HIBCH: variants seen among roughly 807,000 people sequenced by gnomAD.
HIBCH encodes the protein 3-hydroxyisobutyryl-CoA hydrolase, mitochondrial.
HIBCH carries 50 observed loss-of-function variants against 58.2 expected under a neutral mutation model. The ratio of observed to expected loss-of-function variants is 0.86; its 90% CI spans 0.68 to 1.09. The LOEUF (loss-of-function observed/expected upper bound fraction) is 1.09, where lower values mean the gene tolerates loss of function less well. Ranked by LOEUF, HIBCH falls within the 50% of genes least tolerant of loss-of-function variation. The probability of loss-of-function intolerance (pLI) is 0.00; values close to 1 mark genes in which losing one functional copy is unlikely to be tolerated. For missense variants in HIBCH, 450 were observed against 449.7 expected, an observed-to-expected ratio of 1.00 and a Z score of -0.01; for synonymous variants, 151 against 146.9, an observed-to-expected ratio of 1.03 and a Z score of -0.20.
Position 190,306,811 on chromosome 2 carries a change from T to C in HIBCH, c.78+3943A>G, listed in dbSNP as rs1001145581. Among the ~76,000 whole-genome samples the C allele has an allele frequency of 2.0e-5, 3 of 152,182 alleles. No homozygotes were observed. The highest frequency in any genetic ancestry group is 7.2e-5 in the African/African-American group (3 of 41,442). On this transcript the variant is annotated intron_variant, in intron 2 of 13. Coordinates refer to ENST00000359678, the MANE Select transcript of HIBCH (RefSeq NM_014362.4). The surrounding 1 kb of genome is among the most constrained non-coding windows in gnomAD (Gnocchi z 4.6). Reference sequence around the variant, plus strand: ...TAAGAGTGGGACCTTTGAGAGGTAATTAGGTCATGTCAGCCCTCATGAATG... The same window carrying C: ...TAAGAGTGGGACCTTTGAGAGGTAACTAGGTCATGTCAGCCCTCATGAATG...
intron 2 of HIBCH, among the ~76,000 whole-genome samples, chr2:190,298,557 G>T (rs944979485): frequency 6.6e-6 from 1 of 151,774 alleles, no homozygotes; most frequent in African/African-American, 2.4e-5. Flanking sequence ...CTTTTGAGAA[G>T]TCTGTTCATA....
chr2:190,196,043 C>T (rs1689959406), intron 1 of HIBCH, among the ~76,000 whole-genome samples: 1 of 133,836 alleles, frequency 7.5e-6, no homozygotes, highest in African/African-American at 2.8e-5. Flanking sequence ...CTAGTCTGAT[C>T]ATCTCTGCCT....
At chr2:190,311,156 TACTA>T (rs1688545814) in intron 1 of HIBCH, 3 of 411,568 alleles carry the variant, frequency 7.3e-6, no homozygotes, top group African/African-American at 2.1e-5. Context: ...AATGCATACA[TACTA>T]CTAAGCAAAA....
chr2:190,262,169 AAAAAAAAAG>A (rs1310257808), intron 6 of HIBCH, among the ~76,000 whole-genome samples: 1 of 151,732 alleles, frequency 6.6e-6, no homozygotes, highest in African/African-American at 2.4e-5. Flanking sequence ...GAGACAAAAA[AAAAAAAAAG>A]AAAAGAAAAG....
chr2:190,281,596 A>C lies in HIBCH; in HGVS notation c.438+5990T>G, dbSNP rs1051954311. Reference sequence around the variant, plus strand: ...CCTTCCATTAAGTATTACTCTCTTTAGCAAAAATTGCTGCGCCACACCTTG... The same window carrying C: ...CCTTCCATTAAGTATTACTCTCTTTCGCAAAAATTGCTGCGCCACACCTTG... On this transcript the variant is annotated intron_variant, in intron 6 of 13. Transcript: ENST00000359678. This position sits in a 1 kb window ranked among gnomAD's most constrained non-coding sequence, Gnocchi z 5.4. Among the ~76,000 whole-genome samples, 1 of 152,184 alleles carries C rather than the reference A, an allele frequency of 6.6e-6. No homozygotes were observed. Among genetic ancestry groups the C allele is most frequent in the African/African-American group, 2.4e-5 (1 of 41,448 alleles).
At chr2:190,260,758 A>G (rs1402570296) in intron 7 of HIBCH, among the ~76,000 whole-genome samples, 1 of 152,202 alleles carries the variant, frequency 6.6e-6, no homozygotes, top group Admixed American at 6.5e-5. Flanking sequence ...GTATTTCCAT[A>G]TACAAAATAA....
rs530188364 is a variant in HIBCH, at chr2:190,260,380, A to G, written c.517+776T>C. On this transcript the variant is annotated intron_variant, in intron 7 of 13. Transcript: ENST00000359678. ...CTGAAAACTAAAAATCCATGCTGAG[A>G]GAAATTAAAGACCACTTACATAAAT... The G allele has an allele frequency of 2.6e-5, 4 of 152,312 alleles. No individual in the cohort carries two copies. The South Asian group carries it at 8.3e-4, about 32-fold the overall frequency. 9.4% of individuals were successfully genotyped at this position (152,312 alleles called of 1,614,324 possible). A position where few individuals can be genotyped will look rare whatever the true frequency, so the allele number is the denominator to read the frequency against.
chr2:190,253,333 G>A (rs1686832624), intron 7 of HIBCH, among the ~76,000 whole-genome samples: 1 of 152,086 alleles, frequency 6.6e-6, no homozygotes, highest in Non-Finnish European at 1.5e-5. Context: ...CTTTAATTAT[G>A]TTGGGATAAA....
Position 190,274,917 on chromosome 2 carries a change from T to C in HIBCH, c.438+12669A>G, listed in dbSNP as rs78818871. Among the ~76,000 whole-genome samples the C allele has an allele frequency of 6.7e-3, 1,027 of 152,334 alleles. 13 individuals carry two copies. Among genetic ancestry groups the C allele is most frequent in the African/African-American group, 0.022 (933 of 41,584 alleles). ...TACAAATAGAGATTTCCTTTCTAGG[T>C]ACACATTTCTCTTACAAAAAGGTAA... On this transcript the variant is annotated intron_variant, in intron 6 of 13. Transcript: ENST00000359678.
At chr2:190,263,305 C>A (rs1302078482) in intron 6 of HIBCH, among the ~76,000 whole-genome samples, 1 of 152,168 alleles carries the variant, frequency 6.6e-6, no homozygotes, top group African/African-American at 2.4e-5. Flanking sequence ...CATTTTTCAC[C>A]AAGCTGAACA....
rs116784866 is a variant in HIBCH, at chr2:190,219,834, T to C, written c.892-6759A>G. On this transcript the variant is annotated intron_variant, in intron 11 of 13. Transcript: ENST00000359678. ...TCATTAAAAGTCTCGCTTTCGCTATTGTCCAGGTCTGAGTCCATTCTGTGG... is the reference window on the plus strand; with the variant it reads ...TCATTAAAAGTCTCGCTTTCGCTATCGTCCAGGTCTGAGTCCATTCTGTGG... Among the ~76,000 whole-genome samples the C allele has an allele frequency of 6.8e-3, 1,035 of 152,342 alleles. 13 individuals are homozygous for C. The highest frequency in any genetic ancestry group is 0.023 in the African/African-American group (941 of 41,584).
Position 190,236,513 on chromosome 2 carries a change from C to T in HIBCH, c.891+8374G>A, listed in dbSNP as rs1365087540. ...AGAAGTGTTCCGACTGACAATAAACCAATACAAATACAAAATATTTAAAAC... is the reference window on the plus strand; with the variant it reads ...AGAAGTGTTCCGACTGACAATAAACTAATACAAATACAAAATATTTAAAAC... On this transcript the variant is annotated intron_variant, in intron 11 of 13. Transcript: ENST00000359678. The surrounding 1 kb of genome is among the most constrained non-coding windows in gnomAD (Gnocchi z 4.1). Among the ~76,000 whole-genome samples, 4 of 151,954 alleles carry T rather than the reference C, an allele frequency of 2.6e-5. No homozygotes were observed.
At chr2:190,296,012 T>C (rs1252739341) in intron 3 of HIBCH, among the ~76,000 whole-genome samples, 2 of 152,228 alleles carry the variant, frequency 1.3e-5, no homozygotes, top group African/African-American at 2.4e-5. Context: ...TGTTAATAAA[T>C]AGAAATCCAC....
chr2:190,274,659 A>T (rs1158222827), intron 6 of HIBCH, among the ~76,000 whole-genome samples: 1 of 152,224 alleles, frequency 6.6e-6, no homozygotes, highest in Non-Finnish European at 1.5e-5. Flanking sequence ...TAACATGTAT[A>T]CCTCATGTAT....
chr2:190,298,655 T>A (rs1337325410), intron 2 of HIBCH, among the ~76,000 whole-genome samples: 2 of 151,994 alleles, frequency 1.3e-5, no homozygotes, highest in African/African-American at 4.8e-5. Context: ...GTCAGATGGG[T>A]AGATTGCAAA....
chr2:190,281,542 A>G lies in HIBCH; in HGVS notation c.438+6044T>C, dbSNP rs1687704564. 6.6e-6 allele frequency among the ~76,000 whole-genome samples: 1 copy of G among 152,186 alleles called. No homozygotes were observed. The highest frequency in any genetic ancestry group is 2.4e-5 in the African/African-American group (1 of 41,442). ...GCTCAAAGGTCTCGGAAATGCCTTG[A>G]GGGTCTTTCTCCCATTGTCTTGATA... On this transcript the variant is annotated intron_variant, in intron 6 of 13. Transcript: ENST00000359678. This position sits in a 1 kb window ranked among gnomAD's most constrained non-coding sequence, Gnocchi z 5.4.
chr2:190,218,262 A>C (rs1015786516), intron 11 of HIBCH, among the ~76,000 whole-genome samples: 21 of 152,170 alleles, frequency 1.4e-4, no homozygotes, highest in Non-Finnish European at 2.8e-4. Flanking sequence ...GGACCACACC[A>C]TATCAAGGCC....
Position 190,304,750 on chromosome 2 carries a change from T to C in HIBCH, c.78+6004A>G, listed in dbSNP as rs1337182862. On this transcript the variant is annotated intron_variant, in intron 2 of 13. Transcript: ENST00000359678. This position sits in a 1 kb window ranked among gnomAD's most constrained non-coding sequence, Gnocchi z 4.1. The stretch of plus-strand genomic sequence containing the variant: ...TTTTTTGTAAAACCAGCAGTTTTAT[T>C]TTAACCAACATTTGTTTTGATTTCC... Among the ~76,000 whole-genome samples the C allele has an allele frequency of 6.6e-6, 1 of 152,176 alleles. No individual in the cohort carries two copies. Among genetic ancestry groups the C allele is most frequent in the African/African-American group, 2.4e-5 (1 of 41,446 alleles).
intron 8 of HIBCH, among the ~76,000 whole-genome samples, chr2:190,250,872 A>G (rs1178252665): frequency 2.0e-5 from 3 of 152,252 alleles, no homozygotes; most frequent in African/African-American, 7.2e-5. Context: ...AGAGAATTCT[A>G]TTAGTGACCA....
Sources: allele counts gnomAD v4.1 joint callset (sites outside exome capture counted in the v4.1 genomes callset), GRCh38; gene constraint gnomAD v4.1.1; non-coding constraint Gnocchi (gnomAD v3.1); transcripts MANE v1.5; gene names NCBI Gene and HGNC (gene_info 2026-07-23, HGNC 2026-07-21).